SP140L: variants seen among roughly 807,000 people sequenced by gnomAD.
SP140L encodes the protein nuclear body protein SP140-like protein.
Under a neutral mutation model 84.3 loss-of-function variants are expected in SP140L, and 64 were observed. That is an observed-to-expected ratio of 0.76 (90% CI 0.62 to 0.94). The LOEUF (loss-of-function observed/expected upper bound fraction) is 0.94. SP140L is among the 40% of genes least tolerant of loss of function. The pLI is 0.00. For synonymous variants in SP140L, 242 were observed against 236.9 expected, an observed-to-expected ratio of 1.02 and a Z score of -0.20; for missense variants, 628 against 692.5, an observed-to-expected ratio of 0.91 and a Z score of 1.05.
At position 230,385,237 on chromosome 2, in the gene SP140L, C is replaced by T. The variant is rs1229485365; in HGVS notation, c.717C>T (p.Ala239=). ...KNNQQNDNSK[A]DGQLVSSEKK... ...GCCTATCCCCAGATAACAGCAAAGCCGATGGCCAGCTGGTCTCGAGTGAAA... is the reference window on the plus strand; with the variant it reads ...GCCTATCCCCAGATAACAGCAAAGCTGATGGCCAGCTGGTCTCGAGTGAAA... Residue 239 remains alanine, a synonymous_variant, in exon 9 of 19, where the codon GCC becomes GCT. Transcript: ENST00000415673. 11 of 1,613,500 alleles carry T rather than the reference C, an allele frequency of 6.8e-6. No individual in the cohort carries two copies. Among genetic ancestry groups the T allele is most frequent in the African/African-American group, 2.7e-5 (2 of 74,842 alleles).
At chr2:230,346,860 A>G (rs968227656) in intron 2 of SP140L, among the ~76,000 whole-genome samples, 3 of 152,206 alleles carry the variant, frequency 2.0e-5, no homozygotes, top group African/African-American at 7.2e-5. Flanking sequence ...TCTGAATGTC[A>G]GTTAGCTCAT....
intron 2 of SP140L, among the ~76,000 whole-genome samples, chr2:230,352,993 A>T (rs1019502777): frequency 6.6e-6 from 1 of 151,980 alleles, no homozygotes; most frequent in Non-Finnish European, 1.5e-5. Context: ...GTTTTATTTC[A>T]TATAGAGTTT....
chr2:230,393,538 C>T, intron 13 of SP140L, 77 bp downstream of exon 13: 1 of 1,432,828 alleles, frequency 7.0e-7, no homozygotes. Context: ...TTTATGGAGT[C>T]TCCAATTGGG....
At chr2:230,400,104 G>T (rs754979852) in intron 14 of SP140L, 23 bp from the exon 15 acceptor site, 4 of 1,612,802 alleles carry the variant, frequency 2.5e-6, no homozygotes, top group Non-Finnish European at 3.4e-6. Flanking sequence ...TCCCAGTGAC[G>T]TGGACACTGT....
At chr2:230,361,748 G>T in intron 5 of SP140L, 51 bp downstream of exon 5, 1 of 1,407,668 alleles carries the variant, frequency 7.1e-7, no homozygotes, top group South Asian at 1.2e-5. Flanking sequence ...AGGAAAAGGA[G>T]ACAAGGGAGG....
intron 2 of SP140L, among the ~76,000 whole-genome samples, chr2:230,344,296 T>C (rs2060147935): frequency 6.6e-6 from 1 of 152,196 alleles, no homozygotes; most frequent in African/African-American, 2.4e-5. Flanking sequence ...TTTAAAATCT[T>C]TGTTAGTTTA....
At chr2:230,328,142 C>A (rs2059631942) in intron 1 of SP140L, among the ~76,000 whole-genome samples, 1 of 152,182 alleles carries the variant, frequency 6.6e-6, no homozygotes, top group African/African-American at 2.4e-5. Context: ...ACTGCAACCT[C>A]TGTCTCCTGG....
At chr2:230,400,456 C>T (rs750282622) in intron 15 of SP140L, 4 of 562,890 alleles carry the variant, frequency 7.1e-6, no homozygotes, top group Non-Finnish European at 1.3e-5. Context: ...CTCTGATATG[C>T]TGAGGCCAGT....
At position 230,389,844 on chromosome 2, in the gene SP140L, A is replaced by T. The variant is rs148062191; in HGVS notation, c.860-75A>T. On this transcript the variant is annotated intron_variant, in intron 10 of 18. Coordinates refer to ENST00000415673, the MANE Select transcript of SP140L (RefSeq NM_138402.6). ...TTTCCTAAGTACTCTTTGTGCCTTT[A>T]TAGGATTTACCTCAGTGGGAAGGGG... The T allele has an allele frequency of 7.2e-4, 1,004 of 1,389,662 alleles. 9 individuals are homozygous for T. In the African/African-American group the frequency reaches 0.013, roughly 18 times the overall value. The allele number at this position is 1,389,662 out of a possible 1,614,324, so 86.1% of individuals were successfully genotyped here. A position where few individuals can be genotyped will look rare whatever the true frequency, so the allele number is the denominator to read the frequency against.
At chr2:230,348,261 G>T (rs2060268270) in intron 2 of SP140L, among the ~76,000 whole-genome samples, 2 of 152,216 alleles carry the variant, frequency 1.3e-5, no homozygotes, top group Admixed American at 1.3e-4. Flanking sequence ...AGACTTGCAT[G>T]CGAATATAGT....
intron 2 of SP140L, among the ~76,000 whole-genome samples, chr2:230,332,907 C>T (rs1436280298): frequency 6.6e-6 from 1 of 152,088 alleles, no homozygotes; most frequent in Non-Finnish European, 1.5e-5. Context: ...TGTGTTGGGT[C>T]TTGTTTTATG....
intron 10 of SP140L, among the ~76,000 whole-genome samples, chr2:230,389,448 A>G (rs1371670621): frequency 1.3e-5 from 2 of 152,066 alleles, no homozygotes; most frequent in Non-Finnish European, 2.9e-5. Flanking sequence ...ATAAAAGTAG[A>G]AGGCAGGTGC....
chr2:230,343,720 T>G (rs2060129932), intron 2 of SP140L, among the ~76,000 whole-genome samples: 1 of 152,238 alleles, frequency 6.6e-6, no homozygotes, highest in African/African-American at 2.4e-5. Context: ...TTTCTTTTTC[T>G]TTGCAACCTC....
intron 7 of SP140L, among the ~76,000 whole-genome samples, chr2:230,376,380 A>G (rs987917132): frequency 2.6e-5 from 4 of 152,202 alleles, no homozygotes; most frequent in Admixed American, 2.0e-4. Context: ...TGTTGGAACT[A>G]ATAAATGAAT....
In SP140L at chr2:230,382,102, G is replaced by A. The variant is rs557739205; in HGVS notation, c.638-1408G>A. Among the ~76,000 whole-genome samples the A allele has an allele frequency of 2.0e-5, 3 of 152,244 alleles. No individual in the cohort carries two copies. The East Asian group carries it at 5.8e-4, about 29-fold the overall frequency. ...GGAGAGGTGGGCATGTGAGGGGACT[G>A]CTTGAGGACAGTCTGTCCAATCTAT... On this transcript the variant is annotated intron_variant, in intron 7 of 18. Coordinates refer to ENST00000415673, the MANE Select transcript of SP140L (RefSeq NM_138402.6).
chr2:230,388,562 G>C lies in SP140L; in HGVS notation c.788G>C (p.Arg263Thr). The C allele has an allele frequency of 1.2e-6, 2 of 1,607,686 alleles. No individual in the cohort carries two copies. The highest frequency in any genetic ancestry group is 1.7e-6 in the Non-Finnish European group (2 of 1,178,128). ...NLKDLSKIRG[R>T]KRGKPGTHFT... ...TTTTATTATTCTACTTTCTCAGGGAGAAAGAGAGGCAAACCTGGAACCCAC... is the reference window on the plus strand; with the variant it reads ...TTTTATTATTCTACTTTCTCAGGGACAAAGAGAGGCAAACCTGGAACCCAC... The change falls in exon 10 of 19, where the codon AGA becomes ACA. Residue 263 changes from arginine to threonine, a missense_variant. Physicochemically the swap from Arg to Thr is moderately conservative, Grantham distance 71. Transcript: ENST00000415673.
chr2:230,356,730 C>T (rs1312846793), intron 2 of SP140L, among the ~76,000 whole-genome samples: 1 of 152,182 alleles, frequency 6.6e-6, no homozygotes, highest in Non-Finnish European at 1.5e-5. Context: ...GATTGCTTTC[C>T]TAACCTCTAG....
chr2:230,388,527 G>GT (rs1300823739), intron 9 of SP140L, 32 bp from the exon 10 acceptor site: 8 of 1,572,620 alleles, frequency 5.1e-6, no homozygotes, highest in African/African-American at 1.4e-5. Context: ...CTGCTCATTT[G>GT]TAACTGTGAT....
intron 7 of SP140L, among the ~76,000 whole-genome samples, chr2:230,378,641 T>C (rs1431504152): frequency 6.6e-6 from 1 of 152,218 alleles, no homozygotes; most frequent in Admixed American, 6.5e-5. Flanking sequence ...AGTAGATATG[T>C]GGAAAACAAT....
Sources: allele counts gnomAD v4.1 joint callset (sites outside exome capture counted in the v4.1 genomes callset), GRCh38; gene constraint gnomAD v4.1.1; transcripts MANE v1.5; gene names NCBI Gene and HGNC (gene_info 2026-07-23, HGNC 2026-07-21).